Variants in NFIB observed in about 807,000 individuals in gnomAD.
NFIB encodes the protein nuclear factor 1 B-type.
In NFIB, 11 loss-of-function variants were observed where a neutral mutation model predicts 61.5. The ratio of observed to expected loss-of-function variants is 0.18; its 90% CI spans 0.11 to 0.30. The LOEUF (loss-of-function observed/expected upper bound fraction) is 0.30, where lower values mean the gene tolerates loss of function less well. NFIB is among the 10% of genes least tolerant of loss of function. NFIB has a pLI of 1.00. For missense variants in NFIB, 471 were observed against 608.9 expected (o/e 0.77, Z 2.38); for synonymous variants, 260 against 216.5 (o/e 1.20, Z -1.76).
rs527759131 is a variant in NFIB at position 14,275,942 on chromosome 9, GA to G, written c.562+31046del. 3.2e-4 allele frequency among the ~76,000 whole-genome samples: 45 copies of G among 140,902 alleles called. 1 individual carries two copies. The highest frequency in any genetic ancestry group is 8.5e-4 in the Admixed American group (12 of 14,186). The allele number at this position is 140,902 out of a possible 152,430, so 92.4% of individuals were successfully genotyped here. A position where few individuals can be genotyped will look rare whatever the true frequency, so the allele number is the denominator to read the frequency against. On this transcript the variant is annotated intron_variant, in intron 2 of 10. Coordinates refer to ENST00000380953, the MANE Select transcript of NFIB (RefSeq NM_001190737.2). The stretch of plus-strand genomic sequence containing the variant: ...TACCAAAAACTCTGAAACTAGGAAG[GA>G]AAAAAAAAAAACTTTCTTACCCTTA...
At chr9:14,489,371 A>C in the NFIB span, among the ~76,000 whole-genome samples, 1 of 152,220 alleles carries the variant, frequency 6.6e-6, no homozygotes, top group Admixed American at 6.5e-5. Flanking sequence ...CTTCTCTTGG[A>C]AACTTTCCCT....
chr9:14,235,008 G>A (rs1331190459), intron 2 of NFIB, among the ~76,000 whole-genome samples: 1 of 151,990 alleles, frequency 6.6e-6, no homozygotes, highest in Non-Finnish European at 1.5e-5. Flanking sequence ...CATTATTCTT[G>A]CAGTTCAAAT....
chr9:14,301,572 C>G (rs1336982022), intron 2 of NFIB, among the ~76,000 whole-genome samples: 1 of 151,982 alleles, frequency 6.6e-6, no homozygotes, highest in Non-Finnish European at 1.5e-5. Flanking sequence ...CCATCCCTCC[C>G]TCCCTCTCTC....
intron 2 of NFIB, among the ~76,000 whole-genome samples, chr9:14,202,662 T>C (rs1450648040): frequency 6.6e-6 from 1 of 152,228 alleles, no homozygotes; most frequent in Non-Finnish European, 1.5e-5. Context: ...TCTACGTTTC[T>C]TGTCTTTTAG....
At chr9:14,206,591 C>G (rs937742454) in intron 2 of NFIB, among the ~76,000 whole-genome samples, 12 of 146,350 alleles carry the variant, frequency 8.2e-5, no homozygotes, top group African/African-American at 3.0e-4. Flanking sequence ...ACAATCTGCT[C>G]AACAAACAGA....
At chr9:14,315,407 TCTC>T (rs936919666), upstream of NFIB, among the ~76,000 whole-genome samples, 6 of 146,754 alleles carry the variant, frequency 4.1e-5, no homozygotes, top group Non-Finnish European at 7.6e-5. Flanking sequence ...CCGGCTTCGC[TCTC>T]CTCCTCCTCC....
intron 7 of NFIB, among the ~76,000 whole-genome samples, chr9:14,123,677 C>T (rs2039242937): frequency 6.6e-6 from 1 of 152,216 alleles, no homozygotes; most frequent in Admixed American, 6.5e-5. Context: ...CTGATACATG[C>T]TGTTGCCTCT....
chr9:14,514,267 C>A, the NFIB span, among the ~76,000 whole-genome samples: 1 of 151,900 alleles, frequency 6.6e-6, no homozygotes, highest in South Asian at 2.1e-4. Flanking sequence ...TGATACTCTA[C>A]TGAAATTTCC....
intron 2 of NFIB, among the ~76,000 whole-genome samples, chr9:14,269,445 C>T: frequency 6.6e-6 from 1 of 152,088 alleles, no homozygotes. Flanking sequence ...TTTAGTTTGC[C>T]AAATTACGAC....
the NFIB span, among the ~76,000 whole-genome samples, chr9:14,426,469 T>C: frequency 6.6e-6 from 1 of 152,196 alleles, no homozygotes; most frequent in African/African-American, 2.4e-5. Flanking sequence ...GCTTTCATTG[T>C]TGTATCTTCA....
intron 1 of NFIB, among the ~76,000 whole-genome samples, chr9:14,324,912 T>C (rs769184274): frequency 2.6e-5 from 4 of 152,158 alleles, no homozygotes; most frequent in Non-Finnish European, 5.9e-5. Flanking sequence ...AAGCATGTCT[T>C]AGAGAAATTG....
At chr9:14,109,400 A>T in intron 10 of NFIB, among the ~76,000 whole-genome samples, 1 of 152,010 alleles carries the variant, frequency 6.6e-6, no homozygotes, top group Admixed American at 6.6e-5. Flanking sequence ...TATGAAGTTA[A>T]GTCGGGGCGG....
At chr9:14,294,439 G>A (rs761858612) in intron 2 of NFIB, among the ~76,000 whole-genome samples, 1 of 152,168 alleles carries the variant, frequency 6.6e-6, no homozygotes. Flanking sequence ...AAATACATTA[G>A]AAAGACATCA....
chr9:14,415,015 GC>G, the NFIB span, among the ~76,000 whole-genome samples: 1 of 152,166 alleles, frequency 6.6e-6, no homozygotes, highest in African/African-American at 2.4e-5. Context: ...TTTCTGTGGG[GC>G]AGGAGTCAGA....
chr9:14,473,535 C>G, the NFIB span, among the ~76,000 whole-genome samples: 1 of 152,162 alleles, frequency 6.6e-6, no homozygotes, highest in African/African-American at 2.4e-5. Context: ...CATCACTCAC[C>G]ACTGTGTTGC....
In NFIB at chr9:14,083,922, A is replaced by G. The variant is rs184065722; in HGVS notation, c.*4387T>C. ...ACTTAACCTTAAATACCATCACGTAACAATCACAAAAACTTTTGCTAAAGG... is the reference window on the plus strand; with the variant it reads ...ACTTAACCTTAAATACCATCACGTAGCAATCACAAAAACTTTTGCTAAAGG... On this transcript the variant is annotated 3_prime_UTR_variant, in exon 11 of 11. Transcript: ENST00000380953. 458 of 223,464 alleles carry G rather than the reference A, an allele frequency of 2.0e-3. 3 individuals carry two copies. The highest frequency in any genetic ancestry group is 9.2e-3 in the African/African-American group (412 of 44,840). 13.8% of individuals were successfully genotyped at this position (223,464 alleles called of 1,614,324 possible). A position where few individuals can be genotyped will look rare whatever the true frequency, so the allele number is the denominator to read the frequency against.
upstream of NFIB, among the ~76,000 whole-genome samples, chr9:14,315,619 C>G (rs1479121194): frequency 6.8e-6 from 1 of 147,892 alleles, no homozygotes; most frequent in South Asian, 2.1e-4. Flanking sequence ...GCGCCCGCGC[C>G]GGCTCCCCAC....
the NFIB span, among the ~76,000 whole-genome samples, chr9:14,467,917 G>T: frequency 4.6e-5 from 7 of 152,202 alleles, no homozygotes. Context: ...GTATTAAATG[G>T]TGGAAATGAT....
chr9:14,451,553 C>G, the NFIB span, among the ~76,000 whole-genome samples: 2 of 152,102 alleles, frequency 1.3e-5, no homozygotes, highest in African/African-American at 4.8e-5. Flanking sequence ...ACAAAACCCA[C>G]AAATACCACT....
Sources: allele counts gnomAD v4.1 joint callset (sites outside exome capture counted in the v4.1 genomes callset), GRCh38; gene constraint gnomAD v4.1.1; transcripts MANE v1.5; gene names NCBI Gene and HGNC (gene_info 2026-07-23, HGNC 2026-07-21).